The following ZNF264 variants were observed in gnomAD, a reference collection of about 807,000 sequenced individuals.
The protein encoded by ZNF264 is zinc finger protein 264.
Under a neutral mutation model 11.2 loss-of-function variants are expected in ZNF264, and 11 were observed. The ratio of observed to expected loss-of-function variants is 0.98; its 90% CI spans 0.62 to 1.63. ZNF264 has a LOEUF of 1.63. ZNF264 is among the 40% of genes most tolerant of loss of function. The pLI is 0.00. For synonymous variants in ZNF264, 309 were observed against 279.8 expected (o/e 1.10, Z -1.04); for missense variants, 752 against 768.1 (o/e 0.98, Z 0.25).
At chr19:57,193,681 G>A (rs754030463) in intron 1 of ZNF264, 194 bp from the exon 2 acceptor site, 7 of 629,500 alleles carry the variant, frequency 1.1e-5, no homozygotes, top group Non-Finnish European at 1.4e-5. Context: ...TTAAATAGGA[G>A]GCTTCTCTCC....
At chr19:57,193,656 A>G (rs942438726) in intron 1 of ZNF264, 13 of 709,708 alleles carry the variant, frequency 1.8e-5, no homozygotes, top group Non-Finnish European at 2.1e-5. Flanking sequence ...GTCCTGTGTC[A>G]TTCTCTAACG....
rs763675220 is a variant in ZNF264, at chr19:57,191,939, G to C, written c.26G>C (p.Arg9Pro). 3.1e-5 allele frequency: 48 copies of C among 1,536,118 alleles called. No individual in the cohort carries two copies. The highest frequency in any genetic ancestry group is 2.6e-4 in the South Asian group (22 of 83,238). ...ATGGCGGCAGCGGTGCTGACGGACC[G>C]GGCCCAGGTGAGTGGACGGTGGCTT... is the stretch of plus-strand genomic sequence containing the variant. MAAAVLTDRAQVSVTFDDV... is the reference protein window; with the variant it reads MAAAVLTDPAQVSVTFDDV... The change falls in exon 1 of 4, where the codon CGG becomes CCG. Residue 9 changes from arginine (R) to proline (P), a missense_variant. Arg to Pro is a moderately radical substitution (Grantham distance 103). Transcript: ENST00000263095.
At position 57,220,959 on chromosome 19, in the gene ZNF264, G is replaced by A. The variant is rs1167249092; in HGVS notation, c.*7978G>A. On this transcript the variant is annotated 3_prime_UTR_variant, in exon 4 of 4. Coordinates refer to ENST00000263095, the MANE Select transcript of ZNF264 (RefSeq NM_003417.5). ...ACACCCAGCCTTTATTGCAATTTTT[G>A]GTTCCCTCACAGAATGTTTACCATG... 6.6e-6 allele frequency: 1 copy of A among 151,980 alleles called. No homozygotes were observed. Among genetic ancestry groups the A allele is most frequent in the Non-Finnish European group, 1.5e-5 (1 of 68,014 alleles). The allele number at this position is 151,980 out of a possible 1,614,324, so 9.4% of individuals were successfully genotyped here.
Position 57,193,940 on chromosome 19 carries a change from A to C in ZNF264, c.99A>C (p.Leu33=). 6.2e-7 allele frequency: 1 copy of C among 1,614,034 alleles called. No individual in the cohort carries two copies. Among genetic ancestry groups the C allele is most frequent in the Non-Finnish European group, 8.5e-7 (1 of 1,179,922 alleles). Residue 33 remains leucine (L), a synonymous_variant, in exon 2 of 4, where the codon CTA becomes CTC. Coordinates refer to ENST00000263095, the MANE Select transcript of ZNF264 (RefSeq NM_003417.5). ...AGGAGGAGTGGGGGCAGCTGGACCT[A>C]GCTCAGCGGACCCTGTACCAGGAGG... ...FTKEEWGQLD[L]AQRTLYQEVM... is the part of the protein sequence containing the mutation.
rs199577027 is a variant in ZNF264 at position 57,191,901 on chromosome 19, A to G, written c.-13A>G. On this transcript the variant is annotated 5_prime_UTR_variant, in exon 1 of 4. Coordinates refer to ENST00000263095, the MANE Select transcript of ZNF264 (RefSeq NM_003417.5). ...CTCCTCTGTCCCAGCTCTGCGGCCC[A>G]GGGGGTGACGTGATGGCGGCAGCGG... 23 of 1,492,154 alleles carry G rather than the reference A, an allele frequency of 1.5e-5. No individual in the cohort carries two copies. The East Asian group carries it at 3.9e-4, about 26-fold the overall frequency. 92.4% of individuals were successfully genotyped at this position (1,492,154 alleles called of 1,614,324 possible).
rs781429464 is a variant in ZNF264 at position 57,191,947 on chromosome 19, G to C, written c.33+1G>C. The C allele has an allele frequency of 6.5e-7, 1 of 1,541,392 alleles. No individual in the cohort carries two copies. Among genetic ancestry groups the C allele is most frequent in the Non-Finnish European group, 8.8e-7 (1 of 1,142,394 alleles). On this transcript the variant is annotated splice_donor_variant, in intron 1 of 3. Coordinates refer to ENST00000263095, the MANE Select transcript of ZNF264 (RefSeq NM_003417.5). LOFTEE classifies it high-confidence loss of function. ...AGCGGTGCTGACGGACCGGGCCCAGGTGAGTGGACGGTGGCTTCGCGGTTG... is the reference window on the plus strand; with the variant it reads ...AGCGGTGCTGACGGACCGGGCCCAGCTGAGTGGACGGTGGCTTCGCGGTTG...
At chr19:57,198,532 A>C (rs2087228997) in intron 2 of ZNF264, among the ~76,000 whole-genome samples, 1 of 151,820 alleles carries the variant, frequency 6.6e-6, no homozygotes, top group African/African-American at 2.4e-5. Flanking sequence ...GCCAGCTGCT[A>C]AGTATGTCTG....
At chr19:57,192,404 G>A (rs2087180472) in intron 1 of ZNF264, 1 of 985,406 alleles carries the variant, frequency 1.0e-6, no homozygotes. Context: ...TTTCCTGGAT[G>A]TTCTAGCCAT....
Position 57,218,716 on chromosome 19 carries a change from GGT to G in ZNF264, c.*5736_*5737del, listed in dbSNP as rs1568479599. ...TGATTAATTTTTATTGACCTTCCAT[GGT>G]CCTCACTGATTGTTTTCTTTGTCAT... On this transcript the variant is annotated 3_prime_UTR_variant, in exon 4 of 4. Transcript: ENST00000263095. 1 of 151,984 alleles carries G rather than the reference GGT, an allele frequency of 6.6e-6. No homozygotes were observed. Among genetic ancestry groups the G allele is most frequent in the East Asian group, 1.9e-4 (1 of 5,192 alleles). 9.4% of individuals were successfully genotyped at this position (151,984 alleles called of 1,614,324 possible). A position where few individuals can be genotyped will look rare whatever the true frequency, so the allele number is the denominator to read the frequency against.
intron 2 of ZNF264, among the ~76,000 whole-genome samples, chr19:57,203,606 G>C (rs1356371720): frequency 6.6e-6 from 1 of 152,108 alleles, no homozygotes; most frequent in Non-Finnish European, 1.5e-5. Flanking sequence ...ATGTTGGTGA[G>C]AGTAGATACT....
In ZNF264 at chr19:57,212,456, G is replaced by A. The variant is rs765728309; in HGVS notation, c.1359G>A (p.Lys453=). The A allele has an allele frequency of 1.2e-5, 19 of 1,613,890 alleles. No homozygotes were observed. The highest frequency in any genetic ancestry group is 2.2e-5 in the East Asian group (1 of 44,874). Residue 453 remains lysine, a synonymous_variant, in exon 4 of 4, where the codon AAG becomes AAA. Transcript: ENST00000263095. ...ATAAAAGGGCCCACACTGGAGAAAAGCCTTTCGAGTGCAAAGAGTGTGGGA... is the reference window on the plus strand; with the variant it reads ...ATAAAAGGGCCCACACTGGAGAAAAACCTTTCGAGTGCAAAGAGTGTGGGA... ...ILHKRAHTGE[K]PFECKECGKA...
Position 57,212,668 on chromosome 19 carries a change from C to G in ZNF264, c.1571C>G (p.Thr524Arg). ...VECGKSFCWS[T>R]NLIRHAIIHT... is the part of the protein sequence containing the mutation. ...TGTGGGAAATCGTTTTGCTGGAGCA[C>G]AAACCTCATTCGACATGCCATTATC... is the stretch of plus-strand genomic sequence containing the variant. Residue 524 changes from threonine (T) to arginine (R), a missense_variant, in exon 4 of 4, where the codon ACA (threonine) becomes AGA (arginine). By Grantham distance (71) the Thr-to-Arg change is moderately conservative (BLOSUM62 -1). Transcript: ENST00000263095. 1.2e-6 allele frequency: 2 copies of G among 1,613,920 alleles called. No individual in the cohort carries two copies. Among genetic ancestry groups the G allele is most frequent in the Non-Finnish European group, 1.7e-6 (2 of 1,179,994 alleles).
intron 3 of ZNF264, among the ~76,000 whole-genome samples, chr19:57,208,886 C>T (rs1012795748): frequency 2.0e-5 from 3 of 152,188 alleles, no homozygotes; most frequent in Admixed American, 6.5e-5. Context: ...AGAATAGTCT[C>T]GTGTTCTTGA....
Position 57,217,461 on chromosome 19 carries a change from A to G in ZNF264, c.*4480A>G, listed in dbSNP as rs545319772. ...GAGACCAAGTCTCACTCTGTCACCCACGCTGGAGTGCTGTGATGCGATCTC... is the reference window on the plus strand; with the variant it reads ...GAGACCAAGTCTCACTCTGTCACCCGCGCTGGAGTGCTGTGATGCGATCTC... On this transcript the variant is annotated 3_prime_UTR_variant, in exon 4 of 4. Coordinates refer to ENST00000263095, the MANE Select transcript of ZNF264 (RefSeq NM_003417.5). The G allele has an allele frequency of 2.0e-5, 3 of 152,216 alleles. No homozygotes were observed. Among genetic ancestry groups the G allele is most frequent in the South Asian group, 4.1e-4 (2 of 4,828 alleles). The allele number at this position is 152,216 out of a possible 1,614,324, so 9.4% of individuals were successfully genotyped here. A position where few individuals can be genotyped will look rare whatever the true frequency, so the allele number is the denominator to read the frequency against.
rs538709368 is a variant in ZNF264, at chr19:57,203,642, A to G, written c.161-1755A>G. On this transcript the variant is annotated intron_variant, in intron 2 of 3. Coordinates refer to ENST00000263095, the MANE Select transcript of ZNF264 (RefSeq NM_003417.5). ...ATTTGATGTTTCTGTAAATGTCCTT[A>G]TTTAACTCTATCACAGTAGAACGTT... Among the ~76,000 whole-genome samples the G allele has an allele frequency of 8.5e-5, 13 of 152,198 alleles. No individual in the cohort carries two copies. The South Asian group carries it at 2.7e-3, about 32-fold the overall frequency.
chr19:57,200,784 G>T lies in ZNF264; in HGVS notation c.161-4613G>T, dbSNP rs2087247383. Among the ~76,000 whole-genome samples the T allele has an allele frequency of 4.0e-5, 6 of 151,580 alleles. No homozygotes were observed. The South Asian group carries it at 1.2e-3, about 31-fold the overall frequency. On this transcript the variant is annotated intron_variant, in intron 2 of 3. Coordinates refer to ENST00000263095, the MANE Select transcript of ZNF264 (RefSeq NM_003417.5). Reference sequence around the variant, plus strand: ...GTGCCACCACACCCAGTTCGTTTTTGTATTTTTATTAAAGACGGGATTTTG... The same window carrying T: ...GTGCCACCACACCCAGTTCGTTTTTTTATTTTTATTAAAGACGGGATTTTG...
intron 2 of ZNF264, among the ~76,000 whole-genome samples, chr19:57,194,448 T>C (rs2087197673): frequency 6.6e-6 from 1 of 152,152 alleles, no homozygotes; most frequent in African/African-American, 2.4e-5. Flanking sequence ...AGAATAGATA[T>C]ATATAAAAAG....
At position 57,215,018 on chromosome 19, in the gene ZNF264, TTTTTC is replaced by T. The variant is rs2087369890; in HGVS notation, c.*2042_*2046del. 6.6e-6 allele frequency: 1 copy of T among 152,222 alleles called. No homozygotes were observed. The highest frequency in any genetic ancestry group is 1.9e-4 in the East Asian group (1 of 5,200). 9.4% of individuals were successfully genotyped at this position (152,222 alleles called of 1,614,324 possible). On this transcript the variant is annotated 3_prime_UTR_variant, in exon 4 of 4. Transcript: ENST00000263095. ...TTATTGGCTAATAATGTGTAGTTCTTTTTTCTTTTGTTTCTTATGTTCTAAATGTC... is the reference window on the plus strand; with the variant it reads ...TTATTGGCTAATAATGTGTAGTTCTTTTTTGTTTCTTATGTTCTAAATGTC...
chr19:57,205,283 C>T (rs1177065950), intron 2 of ZNF264, 114 bp from the exon 3 acceptor site: 7 of 948,460 alleles, frequency 7.4e-6, no homozygotes, highest in Non-Finnish European at 1.1e-5. Context: ...TTCCCATGCA[C>T]AGGAGCAGCT....
Sources: gnomAD v4.1 joint callset for allele counts (sites outside exome capture counted in the v4.1 genomes callset) on GRCh38, gnomAD v4.1.1 for gene constraint, MANE v1.5 for transcripts, NCBI Gene and HGNC (gene_info 2026-07-23, HGNC 2026-07-21) for gene names.